The following EPS15L1 variants were observed in gnomAD, a reference collection of about 807,000 sequenced individuals.
EPS15L1 encodes the protein epidermal growth factor receptor pathway substrate 15 like 1, also known as epidermal growth factor receptor substrate 15-like 1.
Under a neutral mutation model 117.1 loss-of-function variants are expected in EPS15L1, and 43 were observed. The observed-to-expected ratio is 0.37, with a 90% CI of 0.29 to 0.47. EPS15L1 has a LOEUF of 0.47. Among genes scored for constraint, EPS15L1 ranks in the 20% least tolerant of loss-of-function variants. The pLI is 0.99. For synonymous variants in EPS15L1, 459 were observed against 470.5 expected, an observed-to-expected ratio of 0.98 and a Z score of 0.32; for missense variants, 981 against 1,164.0, an observed-to-expected ratio of 0.84 and a Z score of 2.29.
rs191572557 is a variant in EPS15L1, at chr19:16,400,737, T to C, written c.1791+1584A>G. ...ATCTTAATCTACATTCCCAAAGTAA[T>C]TGTGTCTCAGGTAACCTTTGCCCTG... On this transcript the variant is annotated intron_variant, in intron 16 of 23. Coordinates refer to ENST00000455140, the MANE Select transcript of EPS15L1 (RefSeq NM_001258374.3). 13 of 985,448 alleles carry C rather than the reference T, an allele frequency of 1.3e-5. No individual in the cohort carries two copies. The East Asian group carries it at 9.1e-4, about 69-fold the overall frequency. 61.0% of individuals were successfully genotyped at this position (985,448 alleles called of 1,614,324 possible). A position where few individuals can be genotyped will look rare whatever the true frequency, so the allele number is the denominator to read the frequency against.
intron 1 of EPS15L1, among the ~76,000 whole-genome samples, chr19:16,465,762 T>C (rs1292029175): frequency 6.6e-6 from 1 of 152,036 alleles, no homozygotes; most frequent in Non-Finnish European, 1.5e-5. Context: ...AGTAATAAAA[T>C]AAAAACTCAG....
intron 5 of EPS15L1, 84 bp downstream of exon 5, chr19:16,437,686 T>TACATGCACATACAC (rs539645063): frequency 2.2e-6 from 2 of 901,100 alleles, no homozygotes; most frequent in Admixed American, 3.9e-5. Context: ...CATGGAAATA[T>TACATGCACATACAC]ACATGCACAT....
intron 23 of EPS15L1, among the ~76,000 whole-genome samples, chr19:16,359,783 G>C (rs2092027315): frequency 6.6e-6 from 1 of 151,972 alleles, no homozygotes; most frequent in African/African-American, 2.4e-5. Flanking sequence ...GATTGCTTGA[G>C]CCCAGGAGGT....
Position 16,471,237 on chromosome 19 carries a change from C to T in EPS15L1, c.33+676G>A, listed in dbSNP as rs62118106. The stretch of plus-strand genomic sequence containing the variant: ...GCAGCGCTCCCAGCACCTGACCCAA[C>T]GCACATTTGAGGGATGGATAGAAAA... On this transcript the variant is annotated intron_variant, in intron 1 of 23. Coordinates refer to ENST00000455140, the MANE Select transcript of EPS15L1 (RefSeq NM_001258374.3). This position sits in a 1 kb window ranked among gnomAD's most constrained non-coding sequence, Gnocchi z 4.8. Among the ~76,000 whole-genome samples, 103 of 152,366 alleles carry T rather than the reference C, an allele frequency of 6.8e-4. No individual in the cohort carries two copies. The highest frequency in any genetic ancestry group is 2.2e-3 in the African/African-American group (91 of 41,582).
intron 7 of EPS15L1, among the ~76,000 whole-genome samples, chr19:16,434,154 TC>T (rs35415397): frequency 6.6e-6 from 1 of 152,192 alleles, no homozygotes; most frequent in Admixed American, 6.5e-5. Context: ...TCTGGCACCT[TC>T]CCCAGGGACT....
chr19:16,395,201 CA>C (rs368177768), intron 17 of EPS15L1, 142 bp downstream of exon 17: 110,082 of 456,406 alleles, frequency 0.24, 950 homozygotes, highest in Non-Finnish European at 0.25. Flanking sequence ...AGTTCGTCTC[CA>C]AAAAAAAAAA....
In EPS15L1 at chr19:16,425,314, G is replaced by C; in HGVS notation, c.561C>G (p.Ala187=). 2 of 1,586,304 alleles carry C rather than the reference G, an allele frequency of 1.3e-6. No individual in the cohort carries two copies. Among genetic ancestry groups the C allele is most frequent in the Non-Finnish European group, 1.7e-6 (2 of 1,164,758 alleles). Residue 187 remains alanine (A), a splice_region_variant and synonymous_variant, in exon 9 of 24, where the codon GCC becomes GCG. Coordinates refer to ENST00000455140, the MANE Select transcript of EPS15L1 (RefSeq NM_001258374.3). ...CCAGGGCTCGGTACACCAAGTGCAT[G>C]GCCTGCAGGTGCAAACAACAATGGC... ...GHLDRDEFAV[A]MHLVYRALEK... is the part of the protein sequence containing the mutation.
In EPS15L1 at chr19:16,404,276, C is replaced by T. The variant is rs899409466; in HGVS notation, c.1428+312G>A. Among the ~76,000 whole-genome samples, 6 of 152,170 alleles carry T rather than the reference C, an allele frequency of 3.9e-5. No individual in the cohort carries two copies. Among genetic ancestry groups the T allele is most frequent in the Non-Finnish European group, 5.9e-5 (4 of 68,030 alleles). ...GGATCTGTGAGGAGCCTCAGAGACACCTGAGGAGGGGACACAGGCACCCTG... is the reference window on the plus strand; with the variant it reads ...GGATCTGTGAGGAGCCTCAGAGACATCTGAGGAGGGGACACAGGCACCCTG... On this transcript the variant is annotated intron_variant, in intron 14 of 23. Coordinates refer to ENST00000455140, the MANE Select transcript of EPS15L1 (RefSeq NM_001258374.3). This position sits in a 1 kb window ranked among gnomAD's most constrained non-coding sequence, Gnocchi z 4.2.
At chr19:16,385,290 T>C in intron 20 of EPS15L1, 79 bp from the exon 21 acceptor site, 1 of 1,205,656 alleles carries the variant, frequency 8.3e-7, no homozygotes, top group Non-Finnish European at 1.2e-6. Context: ...AAATGCTAGA[T>C]GGCCCCTGAA....
chr19:16,362,581 T>C (rs973992601), intron 22 of EPS15L1, among the ~76,000 whole-genome samples: 4 of 143,934 alleles, frequency 2.8e-5, no homozygotes, highest in Non-Finnish European at 6.0e-5. Flanking sequence ...TGAAATGCAG[T>C]GGTGCAATCA....
At chr19:16,441,492 G>A (rs1370303395) in intron 3 of EPS15L1, 2 of 168,830 alleles carry the variant, frequency 1.2e-5, no homozygotes, top group African/African-American at 4.8e-5. Flanking sequence ...AGCCGGGTGT[G>A]GTAGCATGTG....
intron 19 of EPS15L1, among the ~76,000 whole-genome samples, chr19:16,389,084 T>C (rs1221754318): frequency 1.3e-5 from 2 of 151,362 alleles, no homozygotes; most frequent in African/African-American, 4.9e-5. Flanking sequence ...TGAAACTCCA[T>C]CTGCATTAAA....
chr19:16,402,230 T>C, intron 16 of EPS15L1, 91 bp downstream of exon 16: 5 of 1,482,116 alleles, frequency 3.4e-6, no homozygotes, highest in Middle Eastern at 1.9e-4. Context: ...GGAACCAACG[T>C]TGGCCATGAA....
intron 5 of EPS15L1, 125 bp downstream of exon 5, chr19:16,437,645 C>A: frequency 1.4e-6 from 1 of 697,646 alleles, no homozygotes; most frequent in Non-Finnish European, 2.5e-6. Flanking sequence ...ATGTGAATTT[C>A]ACCACAATAA....
chr19:16,355,362 G>T lies in EPS15L1; in HGVS notation c.*343C>A. 3.5e-6 allele frequency: 1 copy of T among 286,960 alleles called. No homozygotes were observed. The highest frequency in any genetic ancestry group is 6.6e-6 in the Non-Finnish European group (1 of 152,280). The allele number at this position is 286,960 out of a possible 1,614,324, so 17.8% of individuals were successfully genotyped here. A position where few individuals can be genotyped will look rare whatever the true frequency, so the allele number is the denominator to read the frequency against. On this transcript the variant is annotated 3_prime_UTR_variant, in exon 24 of 24. Transcript: ENST00000455140. Reference sequence around the variant, plus strand: ...GGGAGGGCGGGTGGGGATGTCTGCAGCTATGAGTAGGGAGGAGGCGGGGAA... The same window carrying T: ...GGGAGGGCGGGTGGGGATGTCTGCATCTATGAGTAGGGAGGAGGCGGGGAA...
At chr19:16,387,681 G>A (rs1432765046) in intron 19 of EPS15L1, among the ~76,000 whole-genome samples, 1 of 151,944 alleles carries the variant, frequency 6.6e-6, no homozygotes, top group African/African-American at 2.4e-5. Context: ...CAGAAGAATG[G>A]CTTGAACCCA....
At chr19:16,443,803 G>A (rs1048339005) in intron 1 of EPS15L1, among the ~76,000 whole-genome samples, 3 of 152,000 alleles carry the variant, frequency 2.0e-5, no homozygotes, top group African/African-American at 7.2e-5. Flanking sequence ...AGTGAAAGTT[G>A]TAATCCCAAA....
At chr19:16,376,077 C>G (rs949449533) in intron 22 of EPS15L1, among the ~76,000 whole-genome samples, 4 of 152,114 alleles carry the variant, frequency 2.6e-5, no homozygotes, top group African/African-American at 9.7e-5. Context: ...GGGTGAGCAC[C>G]ACTTCCCTCG....
chr19:16,404,784 G>T lies in EPS15L1; in HGVS notation c.1267-35C>A. On this transcript the variant is annotated intron_variant, in intron 13 of 23. Transcript: ENST00000455140. This position sits in a 1 kb window ranked among gnomAD's most constrained non-coding sequence, Gnocchi z 4.2. ...AGTTGCAGGGGTTTACGTGAGGATG[G>T]GAAAAATGAAGCATGTCCAAGATAA... The T allele has an allele frequency of 6.2e-7, 1 of 1,609,416 alleles. No homozygotes were observed. Among genetic ancestry groups the T allele is most frequent in the Non-Finnish European group, 8.5e-7 (1 of 1,176,404 alleles).
Sources: allele counts gnomAD v4.1 joint callset (sites outside exome capture counted in the v4.1 genomes callset), GRCh38; gene constraint gnomAD v4.1.1; non-coding constraint Gnocchi (gnomAD v3.1); transcripts MANE v1.5; gene names NCBI Gene and HGNC (gene_info 2026-07-23, HGNC 2026-07-21).